The following CDH22 variants were observed in gnomAD, a reference collection of about 807,000 sequenced individuals.
CDH22 encodes cadherin 22, also known as cadherin-22.
Under a neutral mutation model 58.4 loss-of-function variants are expected in CDH22, and 30 were observed. That is an observed-to-expected ratio of 0.51 (90% CI 0.38 to 0.70). CDH22 has a LOEUF of 0.70. CDH22 is among the 30% of genes least tolerant of loss of function. The pLI, the probability that CDH22 is intolerant of heterozygous loss-of-function variation, is 0.00. For missense variants in CDH22, 1,014 were observed against 1,233.9 expected (o/e 0.82, Z 2.67); for synonymous variants, 513 against 558.2 (o/e 0.92, Z 1.14).
In CDH22 at chr20:46,221,265, T is replaced by TG. The variant is rs1467301994; in HGVS notation, c.671-4273dup. Among the ~76,000 whole-genome samples, 184 of 133,610 alleles carry TG rather than the reference T, an allele frequency of 1.4e-3. 1 individual carries two copies. The highest frequency in any genetic ancestry group is 4.8e-3 in the African/African-American group (168 of 35,042). The allele number at this position is 133,610 out of a possible 152,430, so 87.7% of individuals were successfully genotyped here. Reference sequence around the variant, plus strand: ...ATTGTTGCTTTAAGCTACCAGGTTTTGGGTTTTTTTTTTTCTTTTTTTTTT... The same window carrying TG: ...ATTGTTGCTTTAAGCTACCAGGTTTTGGGGTTTTTTTTTTTCTTTTTTTTTT... On this transcript the variant is annotated intron_variant, in intron 4 of 11. Transcript: ENST00000537909.
intron 1 of CDH22, among the ~76,000 whole-genome samples, chr20:46,273,161 A>T (rs1008842037): frequency 1.3e-5 from 2 of 152,088 alleles, no homozygotes; most frequent in African/African-American, 2.4e-5. Context: ...ATGAACTTGG[A>T]TTTCAATTCC....
intron 7 of CDH22, among the ~76,000 whole-genome samples, chr20:46,207,930 T>G (rs1024260723): frequency 6.6e-6 from 1 of 152,248 alleles, no homozygotes; most frequent in Non-Finnish European, 1.5e-5. Context: ...GGATAGCATC[T>G]GTGTGTCTCA....
chr20:46,298,868 G>A (rs1163419339), intron 1 of CDH22, among the ~76,000 whole-genome samples: 1 of 152,130 alleles, frequency 6.6e-6, no homozygotes, highest in African/African-American at 2.4e-5. Flanking sequence ...CCACAACCAA[G>A]CAGCTCTGAG....
chr20:46,275,876 A>C (rs917088210), intron 1 of CDH22, among the ~76,000 whole-genome samples: 4 of 151,676 alleles, frequency 2.6e-5, no homozygotes, highest in African/African-American at 9.7e-5. Context: ...AACTTTACAA[A>C]AGGCTGCTAT....
At chr20:46,177,841 T>G in intron 11 of CDH22, 105 bp downstream of exon 11, 11 of 1,388,066 alleles carry the variant, frequency 7.9e-6, no homozygotes, top group African/African-American at 1.4e-5. Flanking sequence ...CCCATCCTCA[T>G]GTGGAGAGGG....
intron 1 of CDH22, among the ~76,000 whole-genome samples, chr20:46,299,885 T>C (rs2086643393): frequency 6.6e-6 from 1 of 152,148 alleles, no homozygotes; most frequent in African/African-American, 2.4e-5. Flanking sequence ...GGGTCATAAA[T>C]AGCGCTGTTG....
intron 2 of CDH22, among the ~76,000 whole-genome samples, chr20:46,245,799 C>G (rs1309720371): frequency 1.3e-5 from 2 of 152,154 alleles, no homozygotes; most frequent in African/African-American, 2.4e-5. Flanking sequence ...AGTTCTAGAC[C>G]TTTTACTGCT....
Position 46,186,693 on chromosome 20 carries a change from T to C in CDH22, c.1558A>G (p.Ile520Val). Residue 520 changes from isoleucine (I) to valine (V), a missense_variant, in exon 10 of 12, where the codon ATC becomes GTC. By Grantham distance (29) the Ile-to-Val change is conservative (BLOSUM62 3). Coordinates refer to ENST00000537909, the MANE Select transcript of CDH22 (RefSeq NM_021248.3). ...GGCTCGTCTCTGTCCACCACGCTGA[T>C]GGTCTGGATGAGCTGAAGGGTGAGG... ...DAKPGQLIQT[I>V]SVVDRDEPQG... is the part of the protein sequence containing the mutation. 1 of 1,613,768 alleles carries C rather than the reference T, an allele frequency of 6.2e-7. No homozygotes were observed. Among genetic ancestry groups the C allele is most frequent in the East Asian group, 2.2e-5 (1 of 44,846 alleles).
chr20:46,181,752 C>CTTCGTTCCTTCCTTCTTTCTTTCT, intron 10 of CDH22, among the ~76,000 whole-genome samples: 27 of 26,264 alleles, frequency 1.0e-3, no homozygotes, highest in African/African-American at 3.2e-3. Flanking sequence ...TCCTTCCTTC[C>CTTCGTTCCTTCCTTCTTTCTTTCT]TTCTTTCTTT....
Position 46,174,375 on chromosome 20 carries a change from C to G in CDH22, c.*131G>C, listed in dbSNP as rs2085718454. 1 of 626,810 alleles carries G rather than the reference C, an allele frequency of 1.6e-6. No individual in the cohort carries two copies. The highest frequency in any genetic ancestry group is 2.6e-6 in the Non-Finnish European group (1 of 387,780). 38.8% of individuals were successfully genotyped at this position (626,810 alleles called of 1,614,324 possible). On this transcript the variant is annotated 3_prime_UTR_variant, in exon 12 of 12. Coordinates refer to ENST00000537909, the MANE Select transcript of CDH22 (RefSeq NM_021248.3). This position sits in a 1 kb window ranked among gnomAD's most constrained non-coding sequence, Gnocchi z 4.4. ...GAAGAGTCCGCTCCTAGCAAGTCCC[C>G]CCTCCGTCCAGCCGCCAAGGGAGGG...
rs546856336 is a variant in CDH22, at chr20:46,209,133, C to A, written c.1286+1174G>T. ...AGACAGGGGATAGGAAGAGTCAGGGCTAAGGGTTGGGGTGGAGTTGAAATT... is the reference window on the plus strand; with the variant it reads ...AGACAGGGGATAGGAAGAGTCAGGGATAAGGGTTGGGGTGGAGTTGAAATT... On this transcript the variant is annotated intron_variant, in intron 7 of 11. Coordinates refer to ENST00000537909, the MANE Select transcript of CDH22 (RefSeq NM_021248.3). Among the ~76,000 whole-genome samples, 4 of 152,222 alleles carry A rather than the reference C, an allele frequency of 2.6e-5. No individual in the cohort carries two copies. The East Asian group carries it at 7.7e-4, about 29-fold the overall frequency.
chr20:46,295,995 T>C (rs1445014502), intron 1 of CDH22, among the ~76,000 whole-genome samples: 1 of 152,198 alleles, frequency 6.6e-6, no homozygotes, highest in African/African-American at 2.4e-5. Context: ...ACTCCTGGCC[T>C]CAAGTGATCC....
chr20:46,186,097 C>T (rs1211706213), intron 10 of CDH22, among the ~76,000 whole-genome samples: 1 of 150,572 alleles, frequency 6.6e-6, no homozygotes, highest in Admixed American at 6.6e-5. Context: ...ATCTATGCTC[C>T]GAGCTACTTG....
intron 8 of CDH22, among the ~76,000 whole-genome samples, chr20:46,189,581 T>G (rs2085849754): frequency 1.3e-5 from 2 of 152,208 alleles, no homozygotes; most frequent in Non-Finnish European, 2.9e-5. Context: ...CGCTCCTGGA[T>G]GCTCACTGCA....
At chr20:46,205,356 C>A (rs148178309) in intron 7 of CDH22, among the ~76,000 whole-genome samples, 1 of 152,134 alleles carries the variant, frequency 6.6e-6, no homozygotes, top group East Asian at 1.9e-4. Context: ...CATTTAATAC[C>A]TATGAATGAG....
rs142699176 is a variant in CDH22 at position 46,300,295 on chromosome 20, G to A, written c.-400+7960C>T. The stretch of plus-strand genomic sequence containing the variant: ...CAATTTCAGCCTCTGGTCCCTGTGG[G>A]CCCCGCTGTGAGGCCACAGTCCTAT... On this transcript the variant is annotated intron_variant, in intron 1 of 11. Transcript: ENST00000537909. This position sits in a 1 kb window ranked among gnomAD's most constrained non-coding sequence, Gnocchi z 4.4. 2.9e-3 allele frequency among the ~76,000 whole-genome samples: 439 copies of A among 152,166 alleles called. 3 individuals are homozygous for A. The highest frequency in any genetic ancestry group is 0.01 in the African/African-American group (417 of 41,516).
Position 46,186,688 on chromosome 20 carries a change from G to C in CDH22, c.1563C>G (p.Ser521Arg). 6.2e-7 allele frequency: 1 copy of C among 1,613,834 alleles called. No homozygotes were observed. The highest frequency in any genetic ancestry group is 8.5e-7 in the Non-Finnish European group (1 of 1,179,898). Residue 521 changes from serine to arginine, a missense_variant, in exon 10 of 12, where the codon AGC (serine) becomes AGG (arginine). Physicochemically the swap from Ser to Arg is moderately radical, Grantham distance 110. Around this residue, in one of 2 missense-constraint regions of CDH22, gnomAD observed 806 missense variants for 1,038.7 expected, o/e 0.78. Coordinates refer to ENST00000537909, the MANE Select transcript of CDH22 (RefSeq NM_021248.3). ...AKPGQLIQTISVVDRDEPQGG... is the reference protein window; with the variant it reads ...AKPGQLIQTIRVVDRDEPQGG... Reference sequence around the variant, plus strand: ...CTTGGGGCTCGTCTCTGTCCACCACGCTGATGGTCTGGATGAGCTGAAGGG... The same window carrying C: ...CTTGGGGCTCGTCTCTGTCCACCACCCTGATGGTCTGGATGAGCTGAAGGG...
intron 10 of CDH22, among the ~76,000 whole-genome samples, chr20:46,182,965 T>TC (rs1158743246): frequency 6.6e-6 from 1 of 151,950 alleles, no homozygotes; most frequent in African/African-American, 2.4e-5. Flanking sequence ...TGCCACCCTG[T>TC]CCCCGGAGCT....
chr20:46,177,587 T>C (rs184677207), intron 11 of CDH22, among the ~76,000 whole-genome samples: 5 of 152,286 alleles, frequency 3.3e-5, no homozygotes, highest in African/African-American at 1.2e-4. Context: ...AATGGGATGA[T>C]ATGCCTGGCC....
Sources: allele counts gnomAD v4.1 joint callset (sites outside exome capture counted in the v4.1 genomes callset), GRCh38; gene constraint gnomAD v4.1.1; regional missense constraint gnomAD v4.1.1; non-coding constraint Gnocchi (gnomAD v3.1); transcripts MANE v1.5; gene names NCBI Gene and HGNC (gene_info 2026-07-23, HGNC 2026-07-21).